Variants in MYH14 observed in about 807,000 individuals in gnomAD.
MYH14 encodes myosin-14.
In MYH14, 123 loss-of-function variants were observed where a neutral mutation model predicts 255.5. The observed-to-expected ratio is 0.48, with a 90% CI of 0.42 to 0.56. The LOEUF is 0.56. Among genes scored for constraint, MYH14 ranks in the 20% least tolerant of loss-of-function variants. MYH14 has a pLI of 0.00. For missense variants in MYH14, 2,423 were observed against 2,802.3 expected (o/e 0.86, Z 3.06); for synonymous variants, 1,095 against 1,161.2 (o/e 0.94, Z 1.16).
chr19:50,205,381 C>A, intron 1 of MYH14: 1 of 153,064 alleles, frequency 6.5e-6, no homozygotes, highest in South Asian at 1.9e-4. Context: ...CCCTGAAGCT[C>A]CAGGCCCGCC....
At chr19:50,213,517 G>C (rs2032310647) in intron 2 of MYH14, among the ~76,000 whole-genome samples, 1 of 152,176 alleles carries the variant, frequency 6.6e-6, no homozygotes, top group Non-Finnish European at 1.5e-5. Context: ...GGTGGCCAGG[G>C]AGCCAGACTT....
Position 50,266,771 on chromosome 19 carries a change from A to G in MYH14, c.2695-106A>G. 6.9e-7 allele frequency: 1 copy of G among 1,448,138 alleles called. No homozygotes were observed. The highest frequency in any genetic ancestry group is 9.4e-7 in the Non-Finnish European group (1 of 1,061,310). The allele number at this position is 1,448,138 out of a possible 1,614,324, so 89.7% of individuals were successfully genotyped here. ...GTTGCCAAGGCGGGGACACACAGCT[A>G]ATAGGTGGAGGAGAAGGGATTTGAA... On this transcript the variant is annotated intron_variant, in intron 22 of 42. Transcript: ENST00000642316. The surrounding 1 kb of genome is among the most constrained non-coding windows in gnomAD (Gnocchi z 4.1).
chr19:50,276,784 G>A lies in MYH14; in HGVS notation c.3708G>A (p.Glu1236=). The change falls in exon 29 of 43, where the codon GAG becomes GAA. Residue 1236 remains glutamate, a synonymous_variant. Transcript: ENST00000642316. This position sits in a 1 kb window ranked among gnomAD's most constrained non-coding sequence, Gnocchi z 4.3. ...LRSKREQEVT[E]LKKTLEEETR... ...CCAAGAGGGAACAGGAGGTGACGGA[G>A]CTGAAGAAGACTCTGGAGGAGGAGA... 8.7e-6 allele frequency: 14 copies of A among 1,613,538 alleles called. No individual in the cohort carries two copies. Among genetic ancestry groups the A allele is most frequent in the Non-Finnish European group, 1.2e-5 (14 of 1,179,892 alleles).
intron 41 of MYH14, chr19:50,308,737 T>G: frequency 4.8e-6 from 2 of 420,576 alleles, no homozygotes; most frequent in Non-Finnish European, 8.5e-6. Context: ...CATGAAAGGA[T>G]TGTGAGCAGG....
intron 3 of MYH14, among the ~76,000 whole-genome samples, chr19:50,218,215 A>G (rs949368204): frequency 6.6e-6 from 1 of 151,948 alleles, no homozygotes; most frequent in African/African-American, 2.4e-5. Context: ...CCTGACCTCA[A>G]GTGATCTGCC....
chr19:50,279,396 G>C lies in MYH14; in HGVS notation c.4033-641G>C, dbSNP rs141062711. The stretch of plus-strand genomic sequence containing the variant: ...CCTGTAATCCCAGCACTTTGGCAGC[G>C]GAGGCGGGTGGGTCACCTGAGGTCA... On this transcript the variant is annotated intron_variant, in intron 30 of 42. Transcript: ENST00000642316. Among the ~76,000 whole-genome samples the C allele has an allele frequency of 5.3e-5, 8 of 152,192 alleles. No homozygotes were observed. In the East Asian group the frequency reaches 1.4e-3, roughly 26 times the overall value.
chr19:50,247,331 T>C (rs2034169957), intron 12 of MYH14, among the ~76,000 whole-genome samples: 1 of 151,458 alleles, frequency 6.6e-6, no homozygotes, highest in African/African-American at 2.4e-5. Context: ...AGTAAGGAAA[T>C]GGATAATAAA....
chr19:50,212,624 C>T (rs958485957), intron 2 of MYH14, among the ~76,000 whole-genome samples: 2 of 152,204 alleles, frequency 1.3e-5, no homozygotes, highest in African/African-American at 2.4e-5. Flanking sequence ...TTTGCTCCAA[C>T]ATCCACCCCT....
rs1208661392 is a variant in MYH14 at position 50,293,991 on chromosome 19, T to G, written c.5469+304T>G. 6.6e-6 allele frequency among the ~76,000 whole-genome samples: 1 copy of G among 152,000 alleles called. No individual in the cohort carries two copies. Among genetic ancestry groups the G allele is most frequent in the Non-Finnish European group, 1.5e-5 (1 of 67,990 alleles). On this transcript the variant is annotated intron_variant, in intron 39 of 42. Coordinates refer to ENST00000642316, the MANE Select transcript of MYH14 (RefSeq NM_001145809.2). The surrounding 1 kb of genome is among the most constrained non-coding windows in gnomAD (Gnocchi z 4.1). ...TTCTGCAGGAGTCATAAGAAAACAT[T>G]TGGAAAAAGAGACATTTGGCTGGGG...
In MYH14 at chr19:50,306,054, G is replaced by A. The variant is rs551426932; in HGVS notation, c.5679-995G>A. Among the ~76,000 whole-genome samples, 11 of 152,238 alleles carry A rather than the reference G, an allele frequency of 7.2e-5. No individual in the cohort carries two copies. In the East Asian group the frequency reaches 7.7e-4, roughly 11 times the overall value. ...AGCACTTTGGGAGGCCGAGGCGGGC[G>A]GATCATCTGAGGTTGGGAGTTCGAG... is the stretch of plus-strand genomic sequence containing the variant. On this transcript the variant is annotated intron_variant, in intron 40 of 42. Coordinates refer to ENST00000642316, the MANE Select transcript of MYH14 (RefSeq NM_001145809.2).
Position 50,271,551 on chromosome 19 carries a change from G to A in MYH14, c.3171+5G>A. ...CAGAATTCCAAGCTGAGCAAGGTTGGGGGCCTGAGGGCAGCTGGGAAAGTG... is the reference window on the plus strand; with the variant it reads ...CAGAATTCCAAGCTGAGCAAGGTTGAGGGCCTGAGGGCAGCTGGGAAAGTG... On this transcript the variant is annotated splice_donor_5th_base_variant and intron_variant, in intron 25 of 42. Transcript: ENST00000642316. 3 of 1,602,834 alleles carry A rather than the reference G, an allele frequency of 1.9e-6. No homozygotes were observed. The highest frequency in any genetic ancestry group is 2.6e-6 in the Non-Finnish European group (3 of 1,174,856).
At chr19:50,224,266 A>G in intron 6 of MYH14, 89 bp downstream of exon 6, 3 of 1,568,538 alleles carry the variant, frequency 1.9e-6, no homozygotes, top group Middle Eastern at 1.7e-4. Context: ...ACAGGGCCCA[A>G]GGCAGCAGTG....
chr19:50,232,126 A>G (rs2033429102), intron 10 of MYH14, 56 bp downstream of exon 10: 1 of 1,596,340 alleles, frequency 6.3e-7, no homozygotes, highest in Non-Finnish European at 8.5e-7. Context: ...AGAGCTGGGG[A>G]CCTGGCCATT....
At chr19:50,257,124 G>A (rs2034619382) in intron 17 of MYH14, among the ~76,000 whole-genome samples, 175 bp from the exon 18 acceptor site, 1 of 152,200 alleles carries the variant, frequency 6.6e-6, no homozygotes, top group Non-Finnish European at 1.5e-5. Flanking sequence ...CCACTCTTCA[G>A]AGCCTCAGTA....
intron 16 of MYH14, among the ~76,000 whole-genome samples, chr19:50,254,655 A>G (rs1329241207): frequency 6.6e-6 from 1 of 152,128 alleles, no homozygotes; most frequent in East Asian, 1.9e-4. Flanking sequence ...TCCTAAACAA[A>G]GCTAGTCACA....
At chr19:50,238,085 T>C (rs947081129) in intron 10 of MYH14, among the ~76,000 whole-genome samples, 7 of 152,184 alleles carry the variant, frequency 4.6e-5, no homozygotes, top group African/African-American at 7.2e-5. Context: ...CCATTTTACA[T>C]CTCTGCCTGC....
chr19:50,204,868 C>T (rs2031644536), intron 1 of MYH14, among the ~76,000 whole-genome samples: 1 of 150,980 alleles, frequency 6.6e-6, no homozygotes, highest in Non-Finnish European at 1.5e-5. Context: ...GCACTCCAAG[C>T]TGGGCAACAG....
chr19:50,267,441 C>T (rs1397062050), intron 23 of MYH14, among the ~76,000 whole-genome samples: 1 of 151,978 alleles, frequency 6.6e-6, no homozygotes, highest in Non-Finnish European at 1.5e-5. Flanking sequence ...CACCTGAGGT[C>T]AGGAGTTCAA....
intron 26 of MYH14, 112 bp downstream of exon 26, chr19:50,272,084 G>A (rs1288846226): frequency 7.0e-7 from 1 of 1,421,490 alleles, no homozygotes; most frequent in Admixed American, 2.0e-5. Context: ...GGGATAGGAA[G>A]GAAGGCTCAG....
Sources: allele counts gnomAD v4.1 joint callset (sites outside exome capture counted in the v4.1 genomes callset), GRCh38; gene constraint gnomAD v4.1.1; non-coding constraint Gnocchi (gnomAD v3.1); transcripts MANE v1.5; gene names NCBI Gene and HGNC (gene_info 2026-07-23, HGNC 2026-07-21).